IKZF1: variants seen among roughly 807,000 people sequenced by gnomAD.
IKZF1 encodes DNA-binding protein Ikaros.
IKZF1 carries 10 observed loss-of-function variants against 51.7 expected under a neutral mutation model. That is an observed-to-expected ratio of 0.19 (90% CI 0.12 to 0.33). The LOEUF (loss-of-function observed/expected upper bound fraction) is 0.33. Ranked by LOEUF, IKZF1 falls within the 10% of genes least tolerant of loss-of-function variation. The probability of loss-of-function intolerance (pLI) is 1.00; values close to 1 mark genes in which losing one functional copy is unlikely to be tolerated. For synonymous variants in IKZF1, 280 were observed against 282.3 expected (o/e 0.99, Z 0.08); for missense variants, 484 against 707.5 (o/e 0.68, Z 3.58).
chr7:50,319,159 G>T, intron 2 of IKZF1, 58 bp downstream of exon 2: 2 of 1,439,304 alleles, frequency 1.4e-6, no homozygotes, highest in Non-Finnish European at 2.0e-6. Flanking sequence ...CCCTGGGGCC[G>T]GAAGTCACAG....
chr7:50,389,215 C>T (rs1002885094), intron 6 of IKZF1, among the ~76,000 whole-genome samples: 5 of 152,150 alleles, frequency 3.3e-5, no homozygotes, highest in African/African-American at 4.8e-5. Context: ...CTCATAGCAG[C>T]GCTCTGAAAG....
At position 50,342,647 on chromosome 7, in the gene IKZF1, CTTTTTTT is replaced by C. The variant is rs1270027408; in HGVS notation, c.160+14900_160+14906del. On this transcript the variant is annotated intron_variant, in intron 3 of 7. Coordinates refer to ENST00000331340, the MANE Select transcript of IKZF1 (RefSeq NM_006060.6). Reference sequence around the variant, plus strand: ...CCGAGGAGAGGTGGTGAAGGAAAGGCTTTTTTTTTTTTTTTTCAAAGAGAGAAAGAGA... The same window carrying C: ...CCGAGGAGAGGTGGTGAAGGAAAGGCTTTTTTTTTCAAAGAGAGAAAGAGA... 3.4e-3 allele frequency among the ~76,000 whole-genome samples: 464 copies of C among 137,722 alleles called. 2 individuals are homozygous for C. The highest frequency in any genetic ancestry group is 0.011 in the African/African-American group (419 of 37,832). The allele number at this position is 137,722 out of a possible 152,430, so 90.4% of individuals were successfully genotyped here. A position where few individuals can be genotyped will look rare whatever the true frequency, so the allele number is the denominator to read the frequency against.
chr7:50,331,774 A>G (rs1013414632), intron 3 of IKZF1, among the ~76,000 whole-genome samples: 1 of 152,352 alleles, frequency 6.6e-6, no homozygotes, highest in African/African-American at 2.4e-5. Context: ...GGAGAAGGAG[A>G]CAGAGCCAGA....
chr7:50,372,414 C>T (rs1808980597), intron 3 of IKZF1, among the ~76,000 whole-genome samples: 1 of 152,228 alleles, frequency 6.6e-6, no homozygotes, highest in Non-Finnish European at 1.5e-5. Context: ...CCAACCTTTC[C>T]CGTCATAACA....
intron 1 of IKZF1, among the ~76,000 whole-genome samples, chr7:50,314,555 A>G (rs1017484720): frequency 6.6e-6 from 1 of 152,248 alleles, no homozygotes; most frequent in African/African-American, 2.4e-5. Context: ...GGGCTGCTAG[A>G]AAAGTAGTAA....
At chr7:50,313,425 A>C (rs1790674140) in intron 1 of IKZF1, among the ~76,000 whole-genome samples, 1 of 152,260 alleles carries the variant, frequency 6.6e-6, no homozygotes, top group South Asian at 2.1e-4. Flanking sequence ...CCAAATAACC[A>C]GAACTTTACT....
chr7:50,396,508 T>C lies in IKZF1; in HGVS notation c.851-3410T>C, dbSNP rs140079642. Among the ~76,000 whole-genome samples, 534 of 152,378 alleles carry C rather than the reference T, an allele frequency of 3.5e-3. 2 individuals are homozygous for C. Among genetic ancestry groups the C allele is most frequent in the Non-Finnish European group, 6.4e-3 (434 of 68,040 alleles). ...TGAAGCAATTATGAGGCATTTCCTC[T>C]CTTGTTGGAATTAACGATTTTTTCC... On this transcript the variant is annotated intron_variant, in intron 7 of 7. Transcript: ENST00000331340.
At chr7:50,333,494 C>A (rs925533474) in intron 3 of IKZF1, among the ~76,000 whole-genome samples, 1 of 152,170 alleles carries the variant, frequency 6.6e-6, no homozygotes, top group Non-Finnish European at 1.5e-5. Context: ...TAATCAGCAG[C>A]TAGAGGAAGT....
intron 1 of IKZF1, among the ~76,000 whole-genome samples, chr7:50,318,788 A>C (rs1792296559): frequency 6.6e-6 from 1 of 152,192 alleles, no homozygotes; most frequent in Admixed American, 6.5e-5. Context: ...GTTATTATGC[A>C]GTAGGAAATT....
chr7:50,337,389 G>A (rs1043537860), intron 3 of IKZF1, among the ~76,000 whole-genome samples: 7 of 152,162 alleles, frequency 4.6e-5, no homozygotes, highest in African/African-American at 9.7e-5. Context: ...CTATCCCCTA[G>A]GTTTCCTCTT....
At chr7:50,398,929 A>G (rs79079843) in intron 7 of IKZF1, among the ~76,000 whole-genome samples, 3 of 152,244 alleles carry the variant, frequency 2.0e-5, no homozygotes, top group Admixed American at 6.5e-5. Flanking sequence ...TGTGTCTTCA[A>G]GAAAATTTAT....
chr7:50,324,933 G>A (rs946017505), intron 2 of IKZF1, among the ~76,000 whole-genome samples: 4 of 152,018 alleles, frequency 2.6e-5, no homozygotes, highest in Admixed American at 6.6e-5. Context: ...CAGCATGATC[G>A]CAGGGAAAAG....
In IKZF1 at chr7:50,400,062, A is replaced by G. The variant is rs2153517982; in HGVS notation, c.995A>G (p.Gln332Arg). 1 of 1,601,296 alleles carries G rather than the reference A, an allele frequency of 6.2e-7. No individual in the cohort carries two copies. The highest frequency in any genetic ancestry group is 8.5e-7 in the Non-Finnish European group (1 of 1,174,820). The stretch of plus-strand genomic sequence containing the variant: ...GCCGAGTCCCTGCGCCCGCTGGTGC[A>G]GACGCCCCCGGGCGGTTCCGAGGTG... The part of the protein sequence containing the change: ...LGAESLRPLV[Q>R]TPPGGSEVVP... The change falls in exon 8 of 8, where the codon CAG becomes CGG. Residue 332 changes from glutamine (Q) to arginine (R), a missense_variant. Transcript: ENST00000331340. The surrounding 1 kb of genome is among the most constrained non-coding windows in gnomAD (Gnocchi z 5.4).
intron 6 of IKZF1, 45 bp downstream of exon 6, chr7:50,387,515 A>G: frequency 6.4e-7 from 1 of 1,566,944 alleles, no homozygotes; most frequent in Non-Finnish European, 8.6e-7. Flanking sequence ...CTCTCCCCCC[A>G]GCACGGTGGG....
At chr7:50,331,831 G>A (rs973511565) in intron 3 of IKZF1, among the ~76,000 whole-genome samples, 4 of 152,160 alleles carry the variant, frequency 2.6e-5, no homozygotes, top group Non-Finnish European at 5.9e-5. Context: ...TTTTCTTCCC[G>A]GTCTGAAGAA....
chr7:50,400,794 G>T lies in IKZF1; in HGVS notation c.*167G>T. The T allele has an allele frequency of 3.4e-6, 3 of 895,306 alleles. No individual in the cohort carries two copies. Among genetic ancestry groups the T allele is most frequent in the African/African-American group, 1.7e-5 (1 of 59,462 alleles). 55.5% of individuals were successfully genotyped at this position (895,306 alleles called of 1,614,324 possible). On this transcript the variant is annotated 3_prime_UTR_variant, in exon 8 of 8. Transcript: ENST00000331340. This position sits in a 1 kb window ranked among gnomAD's most constrained non-coding sequence, Gnocchi z 5.4. ...TGTTTGAGTTGGTTGATTGGGGTTT[G>T]ATTTGCTTTTGAAAAGATTTTTATT...
chr7:50,333,391 C>T lies in IKZF1; in HGVS notation c.160+5634C>T, dbSNP rs1324609274. Among the ~76,000 whole-genome samples the T allele has an allele frequency of 3.9e-5, 6 of 152,102 alleles. No homozygotes were observed. In the South Asian group the frequency reaches 1.0e-3, roughly 26 times the overall value. ...CCTCTACACTCTGGGAGGGAAGGAG[C>T]GGTGCTGGGGACAGCTTTCACCATG... On this transcript the variant is annotated intron_variant, in intron 3 of 7. Transcript: ENST00000331340.
intron 4 of IKZF1, among the ~76,000 whole-genome samples, chr7:50,380,504 G>T (rs1413032786): frequency 6.6e-6 from 1 of 152,212 alleles, no homozygotes; most frequent in Admixed American, 6.5e-5. Context: ...GCACGGAAGG[G>T]GGTCTTTCCC....
chr7:50,310,070 C>T (rs1208859715), intron 1 of IKZF1, among the ~76,000 whole-genome samples: 1 of 152,130 alleles, frequency 6.6e-6, no homozygotes, highest in Non-Finnish European at 1.5e-5. Context: ...ATTGATAAAT[C>T]GTATATTCTA....
Sources: gnomAD v4.1 joint callset for allele counts (sites outside exome capture counted in the v4.1 genomes callset) on GRCh38, gnomAD v4.1.1 for gene constraint, Gnocchi (gnomAD v3.1) non-coding constraint, MANE v1.5 for transcripts, NCBI Gene and HGNC (gene_info 2026-07-23, HGNC 2026-07-21) for gene names.